Variants in CALN1 observed in about 807,000 individuals in gnomAD.
CALN1 encodes the protein calcium-binding protein 8.
Under a neutral mutation model 30.6 loss-of-function variants are expected in CALN1, and 17 were observed. The ratio of observed to expected loss-of-function variants is 0.56; its 90% CI spans 0.38 to 0.83. CALN1 has a LOEUF of 0.83. Ranked by LOEUF, CALN1 falls within the 40% of genes least tolerant of loss-of-function variation. CALN1 has a pLI of 0.00. For missense variants in CALN1, 291 were observed against 354.9 expected (o/e 0.82, Z 1.45); for synonymous variants, 156 against 131.4 (o/e 1.19, Z -1.28).
intron 5 of CALN1, among the ~76,000 whole-genome samples, chr7:71,842,535 C>A (rs543915813): frequency 6.6e-6 from 1 of 152,180 alleles, no homozygotes; most frequent in Non-Finnish European, 1.5e-5. Context: ...AAGACATCCA[C>A]GTTTACAGTG....
At chr7:72,333,064 C>T (rs559679413) in intron 2 of CALN1, among the ~76,000 whole-genome samples, 21 of 152,326 alleles carry the variant, frequency 1.4e-4, no homozygotes, top group African/African-American at 5.1e-4. Flanking sequence ...ACCAAGAACT[C>T]CAAACTACCA....
At chr7:72,033,344 C>T (rs1801578046) in intron 4 of CALN1, among the ~76,000 whole-genome samples, 1 of 152,144 alleles carries the variant, frequency 6.6e-6, no homozygotes, top group African/African-American at 2.4e-5. Flanking sequence ...GGGTGGGCTT[C>T]AAAGGGTAAC....
chr7:72,158,525 C>T (rs1391126873), intron 3 of CALN1, among the ~76,000 whole-genome samples: 4 of 152,306 alleles, frequency 2.6e-5, no homozygotes, highest in African/African-American at 9.6e-5. Flanking sequence ...ACTTTCACAG[C>T]CTTGTTTAGC....
At chr7:72,322,682 T>C (rs1342291868) in intron 2 of CALN1, among the ~76,000 whole-genome samples, 1 of 151,590 alleles carries the variant, frequency 6.6e-6, no homozygotes, top group African/African-American at 2.4e-5. Flanking sequence ...TGGGGGAATG[T>C]GGGGGATGTG....
At chr7:72,461,163 A>T in the CALN1 span, among the ~76,000 whole-genome samples, 1 of 152,126 alleles carries the variant, frequency 6.6e-6, no homozygotes, top group Non-Finnish European at 1.5e-5. Flanking sequence ...TCAAAAAGTA[A>T]CACATCGGTG....
chr7:72,197,892 A>G (rs1791144764), intron 3 of CALN1, among the ~76,000 whole-genome samples: 1 of 152,006 alleles, frequency 6.6e-6, no homozygotes, highest in African/African-American at 2.4e-5. Context: ...AATACATAAA[A>G]ATAAATGTAA....
intron 5 of CALN1, among the ~76,000 whole-genome samples, chr7:71,988,522 T>A (rs1399016478): frequency 6.6e-6 from 1 of 152,344 alleles, no homozygotes; most frequent in East Asian, 1.9e-4. Flanking sequence ...CTCCGACACA[T>A]GGCTGAATTA....
intron 2 of CALN1, among the ~76,000 whole-genome samples, chr7:72,392,907 G>T (rs1805669188): frequency 6.6e-6 from 1 of 151,998 alleles, no homozygotes; most frequent in Non-Finnish European, 1.5e-5. Flanking sequence ...GCTGAGGTGG[G>T]AGAACTGTTT....
intron 3 of CALN1, among the ~76,000 whole-genome samples, chr7:72,218,692 AAC>A (rs1218799035): frequency 6.6e-6 from 1 of 152,188 alleles, no homozygotes; most frequent in Non-Finnish European, 1.5e-5. Context: ...AAGAAGAGAA[AAC>A]CATTAATCCA....
intron 3 of CALN1, among the ~76,000 whole-genome samples, chr7:72,155,764 T>C (rs1339839231): frequency 1.3e-5 from 2 of 152,184 alleles, no homozygotes; most frequent in African/African-American, 4.8e-5. Context: ...CCTATAGCTC[T>C]GGATGTCAGA....
chr7:71,902,878 A>G (rs1793935042), intron 5 of CALN1, among the ~76,000 whole-genome samples: 1 of 152,134 alleles, frequency 6.6e-6, no homozygotes, highest in African/African-American at 2.4e-5. Flanking sequence ...GAAATAACTC[A>G]GAAAGTCAAA....
At chr7:72,082,654 G>T (rs889806028) in intron 4 of CALN1, among the ~76,000 whole-genome samples, 9 of 152,140 alleles carry the variant, frequency 5.9e-5, no homozygotes, top group Admixed American at 3.3e-4. Context: ...CTCATTGCTC[G>T]CATCACAAGC....
At chr7:72,192,521 G>A (rs1449443480) in intron 3 of CALN1, among the ~76,000 whole-genome samples, 1 of 152,116 alleles carries the variant, frequency 6.6e-6, no homozygotes, top group East Asian at 1.9e-4. Flanking sequence ...GATGGATTGT[G>A]ATAGGGAACT....
chr7:72,025,950 A>G (rs1801025297), intron 4 of CALN1, among the ~76,000 whole-genome samples: 1 of 152,162 alleles, frequency 6.6e-6, no homozygotes, highest in Admixed American at 6.5e-5. Flanking sequence ...AGGATTAGGG[A>G]GGCGTGGCAA....
At chr7:72,147,360 A>C (rs1786837440) in intron 3 of CALN1, among the ~76,000 whole-genome samples, 1 of 152,046 alleles carries the variant, frequency 6.6e-6, no homozygotes, top group Non-Finnish European at 1.5e-5. Flanking sequence ...AGACACATGA[A>C]AAAAATGCTC....
intron 3 of CALN1, among the ~76,000 whole-genome samples, chr7:72,189,411 A>G (rs1790445549): frequency 6.6e-6 from 1 of 152,212 alleles, no homozygotes. Context: ...GGACTTTATT[A>G]TATTAGAATT....
chr7:72,212,090 T>C lies in CALN1; in HGVS notation c.244+66596A>G, dbSNP rs527959483. 8.0e-4 allele frequency among the ~76,000 whole-genome samples: 121 copies of C among 152,190 alleles called. 2 individuals are homozygous for C. The highest frequency in any genetic ancestry group is 1.4e-3 in the Admixed American group (21 of 15,272). The stretch of plus-strand genomic sequence containing the variant: ...GAGAGGGGCCGGGCACGGTGACTCA[T>C]GCCTGTAATCCCAGCACTTTGGGAG... On this transcript the variant is annotated intron_variant, in intron 3 of 6. Coordinates refer to ENST00000395275, the MANE Select transcript of CALN1 (RefSeq NM_031468.4).
chr7:72,281,520 C>A (rs1359111055), intron 2 of CALN1, among the ~76,000 whole-genome samples: 1 of 152,162 alleles, frequency 6.6e-6, no homozygotes, highest in East Asian at 1.9e-4. Context: ...TGGGAAGACA[C>A]CTGCTCTGAT....
At chr7:72,381,507 A>G (rs1042913304) in intron 2 of CALN1, among the ~76,000 whole-genome samples, 5 of 152,214 alleles carry the variant, frequency 3.3e-5, no homozygotes, top group Non-Finnish European at 5.9e-5. Context: ...ATGCAGCCAT[A>G]AAAAAGAATG....
Sources: gnomAD v4.1 joint callset for allele counts (sites outside exome capture counted in the v4.1 genomes callset) on GRCh38, gnomAD v4.1.1 for gene constraint, MANE v1.5 for transcripts, NCBI Gene and HGNC (gene_info 2026-07-23, HGNC 2026-07-21) for gene names.